NBPF19: variants seen among roughly 807,000 people sequenced by gnomAD.
NBPF19 encodes NBPF family member NBPF19.
NBPF19 carries 30 observed loss-of-function variants against 45.9 expected under a neutral mutation model. That is an observed-to-expected ratio of 0.65 (90% confidence interval 0.49 to 0.89). NBPF19 has a LOEUF of 0.89. NBPF19 is among the 40% of genes least tolerant of loss of function. NBPF19 has a pLI of 0.00. For missense variants in NBPF19, 495 were observed against 471.8 expected, an observed-to-expected ratio of 1.05 and a Z score of -0.46; for synonymous variants, 183 against 181.2, an observed-to-expected ratio of 1.01 and a Z score of -0.08.
chr1:149,487,642 G>A (rs2085647201), intron 9 of NBPF19, among the ~76,000 whole-genome samples: 2 of 150,026 alleles, frequency 1.3e-5, no homozygotes, highest in Non-Finnish European at 1.5e-5. Context: ...GGAAACTTGA[G>A]CACATTTTAT....
At position 149,477,927 on chromosome 1, in the gene NBPF19, G is replaced by T. The variant is rs1368889062; in HGVS notation, c.176-18G>T. The T allele has an allele frequency of 9.0e-6, 11 of 1,219,888 alleles. 2 individuals are homozygous for T. The African/African-American group carries it at 1.3e-4, about 15-fold the overall frequency. 75.6% of individuals were successfully genotyped at this position (1,219,888 alleles called of 1,614,324 possible). On this transcript the variant is annotated intron_variant, in intron 2 of 93. Coordinates refer to ENST00000651566, the MANE Select transcript of NBPF19 (RefSeq NM_001351365.2). Reference sequence around the variant, plus strand: ...TGTCCAGCCTTCCACTGAGGCAGGCGTGTCTGTCTTTTCTCAGAGTATGAA... The same window carrying T: ...TGTCCAGCCTTCCACTGAGGCAGGCTTGTCTGTCTTTTCTCAGAGTATGAA...
At chr1:149,487,275 G>A (rs1416412243) in intron 8 of NBPF19, 57 bp from the exon 9 acceptor site, 88 of 1,275,778 alleles carry the variant, frequency 6.9e-5, no homozygotes, top group Non-Finnish European at 9.5e-5. Context: ...ACAGAGGAAT[G>A]TTTCTGTGTG....
At chr1:149,494,077 G>C (rs1199264964) in intron 17 of NBPF19, among the ~76,000 whole-genome samples, 1 of 128,426 alleles carries the variant, frequency 7.8e-6, no homozygotes, top group Non-Finnish European at 1.6e-5. Context: ...CGGCCAACTC[G>C]CTGAGCTCAC....
In NBPF19 at chr1:149,492,080, AAAG is replaced by A; in HGVS notation, c.1725_1727del (p.Arg576del). On this transcript the variant is annotated inframe_deletion, in exon 15 of 94. Coordinates refer to ENST00000651566, the MANE Select transcript of NBPF19 (RefSeq NM_001351365.2). ...AGAAGGGGAAGAAGATCAAAGAAGG[AAAG>A]AAGAAGGGGAAGAAAAGAAGGGGAA... The A allele has an allele frequency of 3.5e-4, 2 of 5,656 alleles. No homozygotes were observed. Among genetic ancestry groups the A allele is most frequent in the South Asian group, 1.9e-3 (2 of 1,070 alleles). The allele number at this position is 5,656 out of a possible 1,614,324, so 0.4% of individuals were successfully genotyped here.
intron 3 of NBPF19, 52 bp from the exon 4 acceptor site, chr1:149,478,828 C>T (rs1461609923): frequency 4.2e-5 from 60 of 1,415,848 alleles, no homozygotes; most frequent in East Asian, 3.6e-4. Context: ...AATATTTGAA[C>T]GGATCACTCA....
At chr1:149,483,543 A>G (rs1419253282) in intron 7 of NBPF19, among the ~76,000 whole-genome samples, 1 of 148,022 alleles carries the variant, frequency 6.8e-6, no homozygotes, top group Non-Finnish European at 1.5e-5. Context: ...TAAGGTTAAT[A>G]TTGTTATGTG....
At position 149,478,937 on chromosome 1, in the gene NBPF19, G is replaced by T. The variant is rs1418187490; in HGVS notation, c.336G>T (p.Lys112Asn). 6.2e-7 allele frequency: 1 copy of T among 1,606,092 alleles called. No homozygotes were observed. The highest frequency in any genetic ancestry group is 1.3e-5 in the African/African-American group (1 of 74,402). Residue 112 changes from lysine (K) to asparagine (N), a missense_variant, in exon 4 of 94, where the codon AAG becomes AAT. Lys to Asn is a moderately conservative substitution (Grantham distance 94). Transcript: ENST00000651566. ...QERELTQLRE[K>N]LREGRDASRS... is the part of the protein sequence containing the mutation. ...GAGAGCTGACCCAGTTAAGGGAGAA[G>T]TTACGGGAAGGGAGAGATGCCTCCC...
chr1:149,477,784 AAGTC>A (rs1192502190), intron 2 of NBPF19, among the ~76,000 whole-genome samples, 157 bp from the exon 3 acceptor site: 1 of 151,322 alleles, frequency 6.6e-6, no homozygotes, highest in Non-Finnish European at 1.5e-5. Context: ...AGATGCCAGA[AAGTC>A]AGGAGACTGA....
At chr1:149,480,417 G>A (rs2085108391) in intron 5 of NBPF19, among the ~76,000 whole-genome samples, 1 of 147,546 alleles carries the variant, frequency 6.8e-6, no homozygotes, top group Admixed American at 6.7e-5. Context: ...GCACCTTACA[G>A]GGATAGCTGA....
At position 149,554,537 on chromosome 1, in the gene NBPF19, A is replaced by G. The variant is rs1347325987; in HGVS notation, c.11331A>G (p.Leu3777=). 4.2e-5 allele frequency: 67 copies of G among 1,607,996 alleles called. 2 individuals carry two copies. The highest frequency in any genetic ancestry group is 1.8e-4 in the East Asian group (8 of 44,852). ...VLMEVEEPEV[L]QDSLDGCYST... ...TGGAAGTGGAAGAGCCTGAAGTCTT[A>G]CAGGACTCACTGGATGGATGTTATT... The change falls in exon 94 of 94, where the codon TTA becomes TTG. Residue 3777 remains leucine, a synonymous_variant. Transcript: ENST00000651566.
intron 2 of NBPF19, 42 bp from the exon 3 acceptor site, chr1:149,477,903 G>T: frequency 2.9e-6 from 3 of 1,022,508 alleles, no homozygotes; most frequent in South Asian, 1.3e-5. Flanking sequence ...ACAGCAGCAT[G>T]TCCAGCCTTC....
chr1:149,488,148 G>C lies in NBPF19; in HGVS notation c.1176G>C (p.Leu392Phe). 1.5e-6 allele frequency: 1 copy of C among 681,144 alleles called. No homozygotes were observed. Among genetic ancestry groups the C allele is most frequent in the East Asian group, 2.7e-5 (1 of 36,594 alleles). 42.2% of individuals were successfully genotyped at this position (681,144 alleles called of 1,614,324 possible). A position where few individuals can be genotyped will look rare whatever the true frequency, so the allele number is the denominator to read the frequency against. ...CQPYRSAFYV[L>F]EQQRVGLAID... Reference sequence around the variant, plus strand: ...CCTACAGAAGTGCCTTTTACGTATTGGAGCAACAGCGTGTTGGCTTGGCTA... The same window carrying C: ...CCTACAGAAGTGCCTTTTACGTATTCGAGCAACAGCGTGTTGGCTTGGCTA... Residue 392 changes from leucine (L) to phenylalanine (F), a missense_variant, in exon 10 of 94, where the codon TTG becomes TTC. Coordinates refer to ENST00000651566, the MANE Select transcript of NBPF19 (RefSeq NM_001351365.2).
chr1:149,554,681 T>G lies in NBPF19; in HGVS notation c.11475T>G (p.Thr3825=). ...FALYLDNRFF[T]LTVTSLHLVF... ...TTTACTTGGACAATAGGTTTTTTACTTTGACGGTGACAAGTCTCCATCTGG... is the reference window on the plus strand; with the variant it reads ...TTTACTTGGACAATAGGTTTTTTACGTTGACGGTGACAAGTCTCCATCTGG... The change falls in exon 94 of 94, where the codon ACT becomes ACG. Residue 3825 remains threonine, a synonymous_variant. Transcript: ENST00000651566. The G allele has an allele frequency of 1.9e-6, 3 of 1,608,344 alleles. No homozygotes were observed. The South Asian group carries it at 3.3e-5, about 18-fold the overall frequency.
At position 149,529,242 on chromosome 1, in the gene NBPF19, C is replaced by G; in HGVS notation, c.7415C>G (p.Ser2472Ter). The change falls in exon 62 of 94, where the codon TCA becomes TGA. Residue 2472 changes from serine (S) to a stop codon, truncating the protein, a stop_gained. Coordinates refer to ENST00000651566, the MANE Select transcript of NBPF19 (RefSeq NM_001351365.2). LOFTEE classifies it high-confidence loss of function. ...VLQDSLDRCYSTPSSCLEQPD... is the reference protein window; with the variant it reads ...VLQDSLDRCY ...CAGGACTCACTGGATAGATGTTATT[C>G]AACTCCTTCCAGTTGTCTTGAACAG... 6.6e-6 allele frequency: 1 copy of G among 150,478 alleles called. No individual in the cohort carries two copies. Among genetic ancestry groups the G allele is most frequent in the Non-Finnish European group, 1.2e-5 (1 of 85,516 alleles). 9.3% of individuals were successfully genotyped at this position (150,478 alleles called of 1,614,324 possible).
At chr1:149,483,668 C>T (rs1436188845) in intron 7 of NBPF19, among the ~76,000 whole-genome samples, 3 of 141,778 alleles carry the variant, frequency 2.1e-5, no homozygotes, top group African/African-American at 5.2e-5. Context: ...GTGGCTGGTA[C>T]CGGTTGTTCC....
rs1308796042 is a variant in NBPF19, at chr1:149,475,064, C to T, written c.-767C>T. Among the ~76,000 whole-genome samples the T allele has an allele frequency of 1.1e-3, 161 of 146,064 alleles. No homozygotes were observed. The highest frequency in any genetic ancestry group is 3.7e-3 in the African/African-American group (145 of 39,536). On this transcript the variant is annotated 5_prime_UTR_variant, in exon 1 of 94. It adds an upstream start codon to the 5' untranslated region. Coordinates refer to ENST00000651566, the MANE Select transcript of NBPF19 (RefSeq NM_001351365.2). ...ACCCACATAGAGGAAGAGCTTTGGA[C>T]GTAGGGATGTCAAACTGGTCTAGAA...
At chr1:149,486,715 A>C (rs2085531404) in intron 8 of NBPF19, among the ~76,000 whole-genome samples, 1 of 151,192 alleles carries the variant, frequency 6.6e-6, no homozygotes, top group Admixed American at 6.6e-5. Flanking sequence ...GGCCAGTGTC[A>C]CCCTTGTCTA....
intron 6 of NBPF19, among the ~76,000 whole-genome samples, chr1:149,481,235 A>C (rs1260670550): frequency 7.6e-6 from 1 of 131,920 alleles, no homozygotes; most frequent in African/African-American, 3.0e-5. Flanking sequence ...ATGCCTGTTT[A>C]AGGAAGCTGG....
At chr1:149,528,873 C>G (rs2086898680) in intron 61 of NBPF19, among the ~76,000 whole-genome samples, 3 of 122,732 alleles carry the variant, frequency 2.4e-5, no homozygotes, top group African/African-American at 9.6e-5. Context: ...CCTGAGGGCA[C>G]TAACTCAGAG....
Sources: allele counts gnomAD v4.1 joint callset (sites outside exome capture counted in the v4.1 genomes callset), GRCh38; gene constraint gnomAD v4.1.1; transcripts MANE v1.5; gene names NCBI Gene and HGNC (gene_info 2026-07-23, HGNC 2026-07-21).